The following ALK variants were observed in gnomAD, a reference collection of about 807,000 sequenced individuals.
ALK encodes the protein ALK tyrosine kinase receptor.
Under a neutral mutation model 163.1 loss-of-function variants are expected in ALK, and 74 were observed. The ratio of observed to expected loss-of-function variants is 0.45; its 90% CI spans 0.38 to 0.55. The LOEUF (loss-of-function observed/expected upper bound fraction) is 0.55. Among genes scored for constraint, ALK ranks in the 20% least tolerant of loss-of-function variants. ALK has a pLI of 0.00. For synonymous variants in ALK, 960 were observed against 843.2 expected (o/e 1.14, Z -2.40); for missense variants, 2,063 against 2,105.3 (o/e 0.98, Z 0.39).
intron 9 of ALK, among the ~76,000 whole-genome samples, chr2:29,276,736 A>G (rs2148216289): frequency 6.6e-6 from 1 of 152,336 alleles, no homozygotes; most frequent in African/African-American, 2.4e-5. Flanking sequence ...AGTAGGTGAA[A>G]GACCGCCTAT....
chr2:29,635,391 C>T (rs1016301627), intron 3 of ALK, among the ~76,000 whole-genome samples: 1 of 152,100 alleles, frequency 6.6e-6, no homozygotes, highest in African/African-American at 2.4e-5. Flanking sequence ...AGTGTCCTTA[C>T]AAGAGAGAGG....
At chr2:29,394,175 T>G (rs952285516) in intron 4 of ALK, among the ~76,000 whole-genome samples, 1 of 152,172 alleles carries the variant, frequency 6.6e-6, no homozygotes, top group Non-Finnish European at 1.5e-5. Context: ...AGGATCTAAG[T>G]TGATTCCCAA....
chr2:29,505,806 G>GA (rs56339658), intron 4 of ALK, among the ~76,000 whole-genome samples: 94,008 of 137,826 alleles, frequency 0.68, 33,071 homozygotes, highest in South Asian at 0.81. Flanking sequence ...TACACTAATT[G>GA]AAAAAAAAAA....
At chr2:29,694,788 G>T in intron 3 of ALK, 62 bp downstream of exon 3, 1 of 1,597,186 alleles carries the variant, frequency 6.3e-7, no homozygotes, top group Non-Finnish European at 8.6e-7. Context: ...ATTTCAAACA[G>T]AAATAGGTAT....
intron 3 of ALK, among the ~76,000 whole-genome samples, chr2:29,576,112 A>G (rs2148194175): frequency 6.6e-6 from 1 of 152,318 alleles, no homozygotes; most frequent in East Asian, 1.9e-4. Flanking sequence ...ACTGGGGCTG[A>G]CTGATTGGCT....
chr2:29,896,898 A>G (rs1054598171), intron 1 of ALK, among the ~76,000 whole-genome samples: 2 of 152,254 alleles, frequency 1.3e-5, no homozygotes, highest in Non-Finnish European at 2.9e-5. Context: ...TGGGAAGAAT[A>G]CACACCAAGC....
intron 1 of ALK, among the ~76,000 whole-genome samples, chr2:29,902,666 C>T (rs1667446218): frequency 6.6e-6 from 1 of 152,206 alleles, no homozygotes; most frequent in Admixed American, 6.5e-5. Context: ...TCATTTTAGG[C>T]ACTACAGGAA....
intron 4 of ALK, among the ~76,000 whole-genome samples, chr2:29,515,147 TG>T (rs1672627501): frequency 6.6e-6 from 1 of 152,116 alleles, no homozygotes; most frequent in Non-Finnish European, 1.5e-5. Flanking sequence ...GAAAGGGTCT[TG>T]CTACTTGTCA....
At chr2:29,797,904 C>T (rs1378664072) in intron 1 of ALK, among the ~76,000 whole-genome samples, 1 of 152,036 alleles carries the variant, frequency 6.6e-6, no homozygotes, top group African/African-American at 2.4e-5. Context: ...TAGCTGTGGC[C>T]ATCCAAAGGG....
chr2:29,894,297 G>A (rs1363640078), intron 1 of ALK, among the ~76,000 whole-genome samples: 1 of 152,062 alleles, frequency 6.6e-6, no homozygotes, highest in Non-Finnish European at 1.5e-5. Flanking sequence ...CATAGCATGG[G>A]GGCTAAGGGC....
intron 1 of ALK, among the ~76,000 whole-genome samples, chr2:29,780,309 T>C (rs1187854680): frequency 6.6e-6 from 1 of 152,132 alleles, no homozygotes; most frequent in Non-Finnish European, 1.5e-5. Flanking sequence ...CTATTTTGTC[T>C]CTAAGGGAGC....
Position 29,705,240 on chromosome 2 carries a change from AATATATATATATAT to A in ALK, c.788-10240_788-10227del, listed in dbSNP as rs1172702963. 5.1e-4 allele frequency among the ~76,000 whole-genome samples: 24 copies of A among 47,164 alleles called. No homozygotes were observed. The South Asian group carries it at 6.7e-3, about 13-fold the overall frequency. 30.9% of individuals were successfully genotyped at this position (47,164 alleles called of 152,430 possible). ...CTCAACAAAAAAAGAAAAGAAAAGA[AATATATATATATAT>A]ATATATATATATATATATATATATA... On this transcript the variant is annotated intron_variant, in intron 2 of 28. Transcript: ENST00000389048.
At chr2:29,411,880 T>C (rs558472909) in intron 4 of ALK, among the ~76,000 whole-genome samples, 2 of 152,332 alleles carry the variant, frequency 1.3e-5, no homozygotes, top group Admixed American at 1.3e-4. Context: ...GGCAAATCCT[T>C]TGAAGTCATG....
chr2:29,200,769 A>G (rs549540470), intron 26 of ALK, among the ~76,000 whole-genome samples: 19 of 138,026 alleles, frequency 1.4e-4, no homozygotes, highest in African/African-American at 5.0e-4. Context: ...ATGTATATAT[A>G]TACGTATATA....
rs1244805914 is a variant in ALK at position 29,329,781 on chromosome 2, GCC to G, written c.1283-1302_1283-1301del. 3.3e-5 allele frequency among the ~76,000 whole-genome samples: 5 copies of G among 152,330 alleles called. No homozygotes were observed. The South Asian group carries it at 6.2e-4, about 19-fold the overall frequency. Reference sequence around the variant, plus strand: ...CTAATAGCACTGAAACTAACATGAAGCCCAGCTTGTTTACTTCTGGAATTTCT... The same window carrying G: ...CTAATAGCACTGAAACTAACATGAAGCAGCTTGTTTACTTCTGGAATTTCT... On this transcript the variant is annotated intron_variant, in intron 5 of 28. Transcript: ENST00000389048.
intron 1 of ALK, among the ~76,000 whole-genome samples, chr2:29,725,943 C>A (rs1245729614): frequency 6.6e-6 from 1 of 152,154 alleles, no homozygotes; most frequent in Non-Finnish European, 1.5e-5. Flanking sequence ...TTCAGCATCC[C>A]AAGCAAGCAC....
intron 5 of ALK, among the ~76,000 whole-genome samples, chr2:29,353,649 T>C (rs749323351): frequency 9.2e-5 from 14 of 152,048 alleles, no homozygotes; most frequent in Non-Finnish European, 1.6e-4. Context: ...TGTGTTGAAC[T>C]GTAAATGACC....
intron 9 of ALK, among the ~76,000 whole-genome samples, chr2:29,292,004 A>G (rs935707683): frequency 1.3e-5 from 2 of 152,274 alleles, no homozygotes; most frequent in Non-Finnish European, 1.5e-5. Context: ...GCATGAAGAC[A>G]TAACTCTCAG....
At chr2:29,743,979 T>TC (rs1344327849) in intron 1 of ALK, among the ~76,000 whole-genome samples, 1 of 151,958 alleles carries the variant, frequency 6.6e-6, no homozygotes, top group African/African-American at 2.4e-5. Flanking sequence ...GTTTTTTTTT[T>TC]CTTTAATTGA....
Sources: gnomAD v4.1 joint callset for allele counts (sites outside exome capture counted in the v4.1 genomes callset) on GRCh38, gnomAD v4.1.1 for gene constraint, MANE v1.5 for transcripts, NCBI Gene and HGNC (gene_info 2026-07-23, HGNC 2026-07-21) for gene names.